The following ARB2A variants were observed in gnomAD, a reference collection of about 807,000 sequenced individuals.
ARB2A encodes the protein cotranscriptional regulator ARB2A.
chr5:93,622,557 C>G, the ARB2A span, among the ~76,000 whole-genome samples: 1 of 152,178 alleles, frequency 6.6e-6, no homozygotes. Flanking sequence ...CCTGACTTAG[C>G]TGTGGGAGCT....
At chr5:93,620,701 T>A in the ARB2A span, 1 of 291,836 alleles carries the variant, frequency 3.4e-6, no homozygotes, top group African/African-American at 2.2e-5. Context: ...AATTAGAGCT[T>A]CGCCGGCCGA....
At chr5:93,946,980 C>T in the ARB2A span, among the ~76,000 whole-genome samples, 1 of 152,090 alleles carries the variant, frequency 6.6e-6, no homozygotes, top group Non-Finnish European at 1.5e-5. Context: ...TTCTATTTTC[C>T]ATGACTTTTT....
At chr5:93,839,319 C>G in the ARB2A span, among the ~76,000 whole-genome samples, 1 of 151,966 alleles carries the variant, frequency 6.6e-6, no homozygotes, top group Non-Finnish European at 1.5e-5. Flanking sequence ...TCTTTAGTTT[C>G]ATGTGATTAA....
the ARB2A span, among the ~76,000 whole-genome samples, chr5:93,925,268 T>C: frequency 6.6e-6 from 1 of 152,196 alleles, no homozygotes; most frequent in Middle Eastern, 3.2e-3. Flanking sequence ...TTCCTTAATA[T>C]GTCATTTACA....
At chr5:93,800,425 G>GCA in the ARB2A span, among the ~76,000 whole-genome samples, 3 of 91,218 alleles carry the variant, frequency 3.3e-5, no homozygotes, top group South Asian at 4.1e-4. Flanking sequence ...ACACACACAC[G>GCA]CACACAAAGA....
chr5:93,971,545 C>G, the ARB2A span, among the ~76,000 whole-genome samples: 11 of 145,308 alleles, frequency 7.6e-5, no homozygotes, highest in African/African-American at 2.8e-4. Flanking sequence ...CCAGCCTGGG[C>G]AATGAGAACA....
At chr5:93,906,831 T>C in the ARB2A span, among the ~76,000 whole-genome samples, 1 of 151,454 alleles carries the variant, frequency 6.6e-6, no homozygotes, top group African/African-American at 2.4e-5. Flanking sequence ...AGCAAAATTT[T>C]TGAGGAAAAA....
At chr5:93,922,684 GAGGGAGGGAGGA>G in the ARB2A span, among the ~76,000 whole-genome samples, 2 of 89,454 alleles carry the variant, frequency 2.2e-5, no homozygotes, top group South Asian at 5.8e-4. Flanking sequence ...GGGAGGGAGG[GAGGGAGGGAGGA>G]AGGAAAGAAA....
chr5:93,909,058 C>A, the ARB2A span, among the ~76,000 whole-genome samples: 1 of 150,764 alleles, frequency 6.6e-6, no homozygotes, highest in African/African-American at 2.4e-5. Flanking sequence ...TAAAAGAAAG[C>A]CACACTGATA....
the ARB2A span, among the ~76,000 whole-genome samples, chr5:93,897,489 C>T: frequency 2.0e-5 from 3 of 151,852 alleles, no homozygotes; most frequent in Non-Finnish European, 4.4e-5. Flanking sequence ...ATAATTGATG[C>T]TCCCAATAAA....
chr5:93,813,648 G>T, the ARB2A span, among the ~76,000 whole-genome samples: 1 of 152,144 alleles, frequency 6.6e-6, no homozygotes, highest in African/African-American at 2.4e-5. Flanking sequence ...AGATGGGACT[G>T]TGGGAAGGCA....
At chr5:94,002,549 A>AC in the ARB2A span, among the ~76,000 whole-genome samples, 1 of 151,972 alleles carries the variant, frequency 6.6e-6, no homozygotes, top group African/African-American at 2.4e-5. Flanking sequence ...TGCACCCTCC[A>AC]ACTTTGGGGT....
At chr5:93,907,132 AT>A in the ARB2A span, among the ~76,000 whole-genome samples, 6 of 151,374 alleles carry the variant, frequency 4.0e-5, no homozygotes, top group Non-Finnish European at 7.4e-5. Context: ...GACTCTGCCA[AT>A]GATTCTGAGA....
At chr5:93,898,024 A>G in the ARB2A span, among the ~76,000 whole-genome samples, 6 of 151,890 alleles carry the variant, frequency 4.0e-5, no homozygotes, top group African/African-American at 1.4e-4. Flanking sequence ...CATTCTAGCA[A>G]TTAGGAAGCT....
the ARB2A span, among the ~76,000 whole-genome samples, chr5:94,051,009 A>G: frequency 5.3e-5 from 8 of 152,300 alleles, no homozygotes; most frequent in African/African-American, 1.9e-4. Context: ...TTATGTAACT[A>G]CTAATGGTCC....
At chr5:93,752,179 C>G in the ARB2A span, among the ~76,000 whole-genome samples, 1 of 152,164 alleles carries the variant, frequency 6.6e-6, no homozygotes. Flanking sequence ...GAAGTAAAGA[C>G]AGCCATAGGA....
At chr5:94,022,786 T>C in the ARB2A span, among the ~76,000 whole-genome samples, 1 of 152,224 alleles carries the variant, frequency 6.6e-6, no homozygotes, top group Non-Finnish European at 1.5e-5. Context: ...GCAATTGAAA[T>C]ACTTGTTATC....
At chr5:93,986,444 G>C in the ARB2A span, among the ~76,000 whole-genome samples, 1 of 151,746 alleles carries the variant, frequency 6.6e-6, no homozygotes, top group Non-Finnish European at 1.5e-5. Context: ...GGGGGGTGGG[G>C]GGGCCCCTCT....
At chr5:94,060,084 G>A in the ARB2A span, among the ~76,000 whole-genome samples, 1 of 152,164 alleles carries the variant, frequency 6.6e-6, no homozygotes, top group Non-Finnish European at 1.5e-5. Context: ...AAGGGGCCAG[G>A]CGCAGTGGCT....
Sources: gnomAD v4.1 joint callset for allele counts (sites outside exome capture counted in the v4.1 genomes callset) on GRCh38, gnomAD v4.1.1 for gene constraint, MANE v1.5 for transcripts, NCBI Gene and HGNC (gene_info 2026-07-23, HGNC 2026-07-21) for gene names.